Variants in TXNL4B observed in about 807,000 individuals in gnomAD.
TXNL4B encodes thioredoxin like 4B, also known as thioredoxin-like protein 4B.
TXNL4B carries 12 observed loss-of-function variants against 13.0 expected under a neutral mutation model. That is an observed-to-expected ratio of 0.92 (90% confidence interval 0.59 to 1.49). The LOEUF (loss-of-function observed/expected upper bound fraction) is 1.49. Among genes scored for constraint, TXNL4B ranks in the 40% most tolerant of loss-of-function variants. The pLI is 0.00. For synonymous variants in TXNL4B, 59 were observed against 58.9 expected, an observed-to-expected ratio of 1.00 and a Z score of -0.01; for missense variants, 214 against 173.6, an observed-to-expected ratio of 1.23 and a Z score of -1.31.
Position 72,084,912 on chromosome 16 carries a change from G to A in TXNL4B, c.*1725C>T, listed in dbSNP as rs977480728. 2.5e-6 allele frequency: 1 copy of A among 398,524 alleles called. No individual in the cohort carries two copies. Among genetic ancestry groups the A allele is most frequent in the African/African-American group, 2.1e-5 (1 of 48,636 alleles). 24.7% of individuals were successfully genotyped at this position (398,524 alleles called of 1,614,324 possible). A position where few individuals can be genotyped will look rare whatever the true frequency, so the allele number is the denominator to read the frequency against. ...GAAGTCTGAGGCAGGCAGGTCCAGA[G>A]TTCATGCAGGAGCTCAATAACATCA... On this transcript the variant is annotated 3_prime_UTR_variant, in exon 4 of 4. Transcript: ENST00000268483.
intron 1 of TXNL4B, among the ~76,000 whole-genome samples, chr16:72,091,623 C>T (rs1033997018): frequency 1.3e-5 from 2 of 152,226 alleles, no homozygotes; most frequent in African/African-American, 4.8e-5. Context: ...TATTCTCTGT[C>T]ATGGCAGCAT....
At chr16:72,094,248 A>G (rs1333637254), upstream of TXNL4B, 1 of 152,668 alleles carries the variant, frequency 6.6e-6, no homozygotes, top group African/African-American at 2.4e-5. Context: ...TGCTCTGGTC[A>G]AATCCTGCTG....
Position 72,089,029 on chromosome 16 carries a change from G to C in TXNL4B, c.242C>G (p.Thr81Ser). The change falls in exon 3 of 4, where the codon ACT (threonine) becomes AGT (serine). Residue 81 changes from threonine (T) to serine (S), a missense_variant. Transcript: ENST00000268483. ...QYFDISYIPSTVFFFNGQHMK... is the reference protein window; with the variant it reads ...QYFDISYIPSSVFFFNGQHMK... The stretch of plus-strand genomic sequence containing the variant: ...ATGCTGCCCATTGAAGAAAAAGACA[G>C]TAGATGGAATATAACTGATGTCAAA... 1.2e-6 allele frequency: 2 copies of C among 1,611,470 alleles called. No individual in the cohort carries two copies. The highest frequency in any genetic ancestry group is 1.7e-6 in the Non-Finnish European group (2 of 1,177,998).
At chr16:72,091,934 C>T (rs2041911505) in intron 1 of TXNL4B, among the ~76,000 whole-genome samples, 1 of 152,202 alleles carries the variant, frequency 6.6e-6, no homozygotes, top group South Asian at 2.1e-4. Context: ...TCCAGGGGTC[C>T]TTCTACTACA....
chr16:72,087,782 A>G (rs2041845280), intron 3 of TXNL4B, among the ~76,000 whole-genome samples: 1 of 152,008 alleles, frequency 6.6e-6, no homozygotes, highest in Non-Finnish European at 1.5e-5. Flanking sequence ...CTCCTGCCTC[A>G]GCCTCCTGAG....
intron 2 of TXNL4B, among the ~76,000 whole-genome samples, chr16:72,089,525 C>T (rs1017148963): frequency 2.6e-5 from 4 of 152,104 alleles, no homozygotes; most frequent in African/African-American, 7.2e-5. Flanking sequence ...GCTGCCATCC[C>T]GTGTTAAGAG....
chr16:72,088,274 T>A (rs1030181386), intron 3 of TXNL4B, among the ~76,000 whole-genome samples: 5 of 152,218 alleles, frequency 3.3e-5, no homozygotes, highest in African/African-American at 1.2e-4. Flanking sequence ...TAAAACACTT[T>A]AAAACAGATA....
chr16:72,086,184 TGG>T lies in TXNL4B; in HGVS notation c.*451_*452del, dbSNP rs1368540152. The T allele has an allele frequency of 7.2e-5, 11 of 152,494 alleles. No individual in the cohort carries two copies. Among genetic ancestry groups the T allele is most frequent in the Non-Finnish European group, 1.2e-4 (8 of 68,576 alleles). The allele number at this position is 152,494 out of a possible 1,614,324, so 9.4% of individuals were successfully genotyped here. ...GAGTCGAGGAACCGGCAAAGGGGTGTGGGGGTGTGTGTGTGTGTGTGTGTGCA... is the reference window on the plus strand; with the variant it reads ...GAGTCGAGGAACCGGCAAAGGGGTGTGGGTGTGTGTGTGTGTGTGTGTGCA... On this transcript the variant is annotated 3_prime_UTR_variant, in exon 4 of 4. Transcript: ENST00000268483.
At position 72,085,777 on chromosome 16, in the gene TXNL4B, G is replaced by A. The variant is rs1245035822; in HGVS notation, c.*860C>T. The stretch of plus-strand genomic sequence containing the variant: ...TCCCAGCACCTGGGAGGCTGAGGAG[G>A]GCAGATCACGAGGTCAGGAGATCGA... On this transcript the variant is annotated 3_prime_UTR_variant, in exon 4 of 4. Coordinates refer to ENST00000268483, the MANE Select transcript of TXNL4B (RefSeq NM_017853.3). 1 of 152,150 alleles carries A rather than the reference G, an allele frequency of 6.6e-6. No homozygotes were observed. The highest frequency in any genetic ancestry group is 1.5e-5 in the Non-Finnish European group (1 of 68,058). The allele number at this position is 152,150 out of a possible 1,614,324, so 9.4% of individuals were successfully genotyped here. A position where few individuals can be genotyped will look rare whatever the true frequency, so the allele number is the denominator to read the frequency against.
At chr16:72,091,053 T>C (rs2041896842) in intron 1 of TXNL4B, among the ~76,000 whole-genome samples, 1 of 152,184 alleles carries the variant, frequency 6.6e-6, no homozygotes, top group Non-Finnish European at 1.5e-5. Flanking sequence ...AATACAAATA[T>C]GCGTTCCGAT....
Position 72,090,642 on chromosome 16 carries a change from A to AGG in TXNL4B, c.106_107dup (p.Val37LeufsTer6), listed in dbSNP as rs770624648. 3.2e-5 allele frequency: 51 copies of AGG among 1,614,186 alleles called. No individual in the cohort carries two copies. The highest frequency in any genetic ancestry group is 3.9e-5 in the Non-Finnish European group (46 of 1,180,014). On this transcript the variant is annotated frameshift_variant, in exon 2 of 4. Transcript: ENST00000268483. LOFTEE classifies it high-confidence loss of function. ...CAATATCATCTAGCTGCAGACAGACAGGATCTTCATCTCTCCCAAACCTGA... is the reference window on the plus strand; with the variant it reads ...CAATATCATCTAGCTGCAGACAGACAGGGGATCTTCATCTCTCCCAAACCTGA...
At position 72,084,936 on chromosome 16, in the gene TXNL4B, C is replaced by G; in HGVS notation, c.*1701G>C. 1 of 398,608 alleles carries G rather than the reference C, an allele frequency of 2.5e-6. No individual in the cohort carries two copies. The highest frequency in any genetic ancestry group is 4.4e-6 in the Non-Finnish European group (1 of 226,058). 24.7% of individuals were successfully genotyped at this position (398,608 alleles called of 1,614,324 possible). The stretch of plus-strand genomic sequence containing the variant: ...AGTTCATGCAGGAGCTCAATAACAT[C>G]AGAGATTGGGCTCTTTTTGTTCTTC... On this transcript the variant is annotated 3_prime_UTR_variant, in exon 4 of 4. Coordinates refer to ENST00000268483, the MANE Select transcript of TXNL4B (RefSeq NM_017853.3).
chr16:72,085,490 A>C lies in TXNL4B; in HGVS notation c.*1147T>G, dbSNP rs1490340279. The C allele has an allele frequency of 6.5e-6, 1 of 153,530 alleles. No individual in the cohort carries two copies. Among genetic ancestry groups the C allele is most frequent in the Non-Finnish European group, 1.4e-5 (1 of 69,010 alleles). The allele number at this position is 153,530 out of a possible 1,614,324, so 9.5% of individuals were successfully genotyped here. On this transcript the variant is annotated 3_prime_UTR_variant, in exon 4 of 4. Transcript: ENST00000268483. ...GCAAGAATTCCTTACAAAGTTATTA[A>C]AACAGGCAAATCCCATATAGGTGAC...
chr16:72,090,052 A>T (rs1050471866), intron 2 of TXNL4B: 1 of 455,670 alleles, frequency 2.2e-6, no homozygotes, highest in Non-Finnish European at 4.4e-6. Context: ...CCCTCATTGT[A>T]ACCACGGAAA....
chr16:72,093,062 C>A (rs1000986196), intron 1 of TXNL4B, among the ~76,000 whole-genome samples: 21 of 152,136 alleles, frequency 1.4e-4, no homozygotes, highest in African/African-American at 4.6e-4. Context: ...TCTCAACTCC[C>A]CAGGCTCAAG....
chr16:72,088,380 G>A (rs377629693), intron 3 of TXNL4B, among the ~76,000 whole-genome samples: 5 of 152,364 alleles, frequency 3.3e-5, no homozygotes, highest in African/African-American at 1.2e-4. Flanking sequence ...AATCATGGAT[G>A]CACCCAATCA....
chr16:72,089,278 G>C, intron 2 of TXNL4B, 140 bp from the exon 3 acceptor site: 1 of 665,296 alleles, frequency 1.5e-6, no homozygotes, highest in African/African-American at 1.8e-5. Context: ...TCCCACATTA[G>C]ACAAAGCATA....
At chr16:72,086,873 A>G (rs2041831230) in intron 3 of TXNL4B, 71 bp from the exon 4 acceptor site, 1 of 1,207,550 alleles carries the variant, frequency 8.3e-7, no homozygotes. Context: ...CTTTCAGGAT[A>G]AACAAAATGA....
At chr16:72,086,852 C>G in intron 3 of TXNL4B, 50 bp from the exon 4 acceptor site, 1 of 1,399,050 alleles carries the variant, frequency 7.1e-7, no homozygotes, top group Non-Finnish European at 9.7e-7. Flanking sequence ...TGAGTAATCA[C>G]TTGTTGAAGA....
Sources: gnomAD v4.1 joint callset for allele counts (sites outside exome capture counted in the v4.1 genomes callset) on GRCh38, gnomAD v4.1.1 for gene constraint, MANE v1.5 for transcripts, NCBI Gene and HGNC (gene_info 2026-07-23, HGNC 2026-07-21) for gene names.